The following MEGF9 variants were observed in gnomAD, a reference collection of about 807,000 sequenced individuals.
MEGF9 encodes the protein multiple epidermal growth factor-like domains protein 9.
A neutral mutation model predicts 46.8 loss-of-function variants in MEGF9; 6 were observed. That is an observed-to-expected ratio of 0.13 (90% CI 0.07 to 0.25). The LOEUF is 0.25. MEGF9 is among the 10% of genes least tolerant of loss of function. The pLI is 1.00. For synonymous variants in MEGF9, 302 were observed against 330.7 expected, an observed-to-expected ratio of 0.91 and a Z score of 0.94; for missense variants, 683 against 792.4, an observed-to-expected ratio of 0.86 and a Z score of 1.66.
intron 1 of MEGF9, among the ~76,000 whole-genome samples, chr9:120,711,873 C>CA (rs2043955555): frequency 1.1e-4 from 9 of 78,366 alleles, no homozygotes; most frequent in East Asian, 3.2e-4. Context: ...ACACACACAC[C>CA]CACAGGCCTG....
chr9:120,663,596 A>T (rs562811436), intron 1 of MEGF9, among the ~76,000 whole-genome samples: 1 of 152,368 alleles, frequency 6.6e-6, no homozygotes, highest in South Asian at 2.1e-4. Flanking sequence ...AGCAGCACAA[A>T]GGAGTCTGCA....
At chr9:120,609,185 C>T (rs543499717) in intron 4 of MEGF9, among the ~76,000 whole-genome samples, 2 of 152,172 alleles carry the variant, frequency 1.3e-5, no homozygotes, top group East Asian at 1.9e-4. Context: ...TCCACCACCC[C>T]CTAAGGTTCA....
intron 4 of MEGF9, among the ~76,000 whole-genome samples, chr9:120,611,821 A>G (rs1296186401): frequency 6.7e-6 from 1 of 148,516 alleles, no homozygotes; most frequent in Non-Finnish European, 1.5e-5. Context: ...AGAAAAGAAA[A>G]GAAAAGAAAG....
At chr9:120,627,720 C>T (rs938966905) in intron 2 of MEGF9, among the ~76,000 whole-genome samples, 1 of 152,208 alleles carries the variant, frequency 6.6e-6, no homozygotes, top group Non-Finnish European at 1.5e-5. Context: ...GCCTGGGCTT[C>T]CCCAAGTGCT....
intron 1 of MEGF9, among the ~76,000 whole-genome samples, chr9:120,668,346 T>C (rs1051821240): frequency 6.6e-6 from 1 of 152,222 alleles, no homozygotes; most frequent in Non-Finnish European, 1.5e-5. Context: ...TTCTTTAAAC[T>C]AGACTTTGTA....
In MEGF9 at chr9:120,603,959, C is replaced by T. The variant is rs546753485; in HGVS notation, c.*1231G>A. The T allele has an allele frequency of 6.5e-6, 1 of 152,708 alleles. No individual in the cohort carries two copies. The highest frequency in any genetic ancestry group is 2.4e-5 in the African/African-American group (1 of 41,550). 9.5% of individuals were successfully genotyped at this position (152,708 alleles called of 1,614,324 possible). ...GATCCCAAGTAATATGATGGCTTTT[C>T]TCTTGGAACTAAAATATTTCTATCC... On this transcript the variant is annotated 3_prime_UTR_variant, in exon 6 of 6. Transcript: ENST00000373930.
intron 4 of MEGF9, among the ~76,000 whole-genome samples, chr9:120,608,460 C>G (rs888266743): frequency 2.0e-5 from 3 of 152,134 alleles, no homozygotes; most frequent in Non-Finnish European, 2.9e-5. Flanking sequence ...ATTGTTTTAA[C>G]AAAAACTTCC....
In MEGF9 at chr9:120,714,195, G is replaced by A; in HGVS notation, c.164C>T (p.Pro55Leu). The A allele has an allele frequency of 8.1e-7, 1 of 1,234,800 alleles. No homozygotes were observed. The highest frequency in any genetic ancestry group is 1.0e-6 in the Non-Finnish European group (1 of 990,390). 76.5% of individuals were successfully genotyped at this position (1,234,800 alleles called of 1,614,324 possible). Residue 55 changes from proline to leucine, a missense_variant, in exon 1 of 6, where the codon CCG (proline) becomes CTG (leucine). Pro to Leu is a moderately conservative substitution (Grantham distance 98). Transcript: ENST00000373930. Reference protein sequence around the residue: ...GGAAGQVDASPGPGLRGEPSH... With the variant: ...GGAAGQVDASLGPGLRGEPSH... ...GGGCTCGCCCCGCAACCCGGGGCCC[G>A]GCGACGCGTCCACCTGCCCCGCGGC...
At chr9:120,607,025 T>C (rs1201164794) in intron 5 of MEGF9, among the ~76,000 whole-genome samples, 2 of 152,224 alleles carry the variant, frequency 1.3e-5, no homozygotes, top group East Asian at 1.9e-4. Flanking sequence ...CACTACAGTA[T>C]AAAGATATCA....
intron 2 of MEGF9, 72 bp downstream of exon 2, chr9:120,659,302 C>T (rs2043691115): frequency 7.4e-7 from 1 of 1,347,318 alleles, no homozygotes; most frequent in South Asian, 1.4e-5. Flanking sequence ...CAGTATGGTC[C>T]TTGAGAGTAG....
chr9:120,686,338 G>A (rs575935678), intron 1 of MEGF9, among the ~76,000 whole-genome samples: 8 of 152,236 alleles, frequency 5.3e-5, no homozygotes, highest in Middle Eastern at 3.4e-3. Context: ...TCGGCCTCCC[G>A]AAGTGCTGGG....
chr9:120,615,739 A>C (rs1402839959), intron 3 of MEGF9, among the ~76,000 whole-genome samples: 1 of 151,984 alleles, frequency 6.6e-6, no homozygotes, highest in Non-Finnish European at 1.5e-5. Flanking sequence ...TACAAAAAAT[A>C]CAAAAATTAG....
chr9:120,622,888 C>T, intron 2 of MEGF9, 133 bp from the exon 3 acceptor site: 2 of 812,274 alleles, frequency 2.5e-6, no homozygotes, highest in South Asian at 2.3e-5. Context: ...GCCTTGTGTC[C>T]AAATAAATCA....
chr9:120,700,507 C>G (rs1029024098), intron 1 of MEGF9, among the ~76,000 whole-genome samples: 5 of 152,108 alleles, frequency 3.3e-5, no homozygotes, highest in African/African-American at 9.7e-5. Flanking sequence ...TGATAAAACA[C>G]ACTGTAGGAT....
chr9:120,654,578 ATAATACT>A (rs1221917554), intron 2 of MEGF9, among the ~76,000 whole-genome samples: 1 of 152,260 alleles, frequency 6.6e-6, no homozygotes, highest in Non-Finnish European at 1.5e-5. Flanking sequence ...TACACAGTAC[ATAATACT>A]TAATAATGAA....
At chr9:120,654,577 C>A (rs900757906) in intron 2 of MEGF9, among the ~76,000 whole-genome samples, 2 of 152,172 alleles carry the variant, frequency 1.3e-5, no homozygotes, top group Non-Finnish European at 2.9e-5. Context: ...ATACACAGTA[C>A]ATAATACTTA....
intron 1 of MEGF9, among the ~76,000 whole-genome samples, chr9:120,681,366 G>C (rs140489397): frequency 6.6e-6 from 1 of 152,258 alleles, no homozygotes; most frequent in Non-Finnish European, 1.5e-5. Flanking sequence ...AGCTCTGCTT[G>C]ATACCCTATA....
At chr9:120,629,392 C>A (rs184250709) in intron 2 of MEGF9, among the ~76,000 whole-genome samples, 14 of 152,288 alleles carry the variant, frequency 9.2e-5, no homozygotes, top group Admixed American at 9.2e-4. Flanking sequence ...GTAATCCCAG[C>A]ACTTTGACAG....
chr9:120,678,574 G>A (rs971091853), intron 1 of MEGF9, among the ~76,000 whole-genome samples: 3 of 152,178 alleles, frequency 2.0e-5, no homozygotes, highest in African/African-American at 7.2e-5. Flanking sequence ...CCGGGTTCAA[G>A]GAATTCTCAT....
Sources: gnomAD v4.1 joint callset for allele counts (sites outside exome capture counted in the v4.1 genomes callset) on GRCh38, gnomAD v4.1.1 for gene constraint, MANE v1.5 for transcripts, NCBI Gene and HGNC (gene_info 2026-07-23, HGNC 2026-07-21) for gene names.